FBXL20: variants seen among roughly 807,000 people sequenced by gnomAD.
FBXL20 encodes F-box/LRR-repeat protein 20.
Under a neutral mutation model 64.0 loss-of-function variants are expected in FBXL20, and 11 were observed. That is an observed-to-expected ratio of 0.17 (90% CI 0.11 to 0.28). FBXL20 has a LOEUF of 0.28. Among genes scored for constraint, FBXL20 ranks in the 10% least tolerant of loss-of-function variants. FBXL20 has a pLI of 1.00. For synonymous variants in FBXL20, 184 were observed against 189.0 expected, an observed-to-expected ratio of 0.97 and a Z score of 0.22; for missense variants, 303 against 526.2, an observed-to-expected ratio of 0.58 and a Z score of 4.15.
chr17:39,325,132 T>A (rs1019823807), intron 2 of FBXL20, among the ~76,000 whole-genome samples: 1 of 152,116 alleles, frequency 6.6e-6, no homozygotes, highest in Non-Finnish European at 1.5e-5. Flanking sequence ...CACCTGACCC[T>A]GGGAAGCTGA....
intron 6 of FBXL20, among the ~76,000 whole-genome samples, chr17:39,291,574 C>T (rs1429828477): frequency 1.3e-5 from 2 of 151,644 alleles, no homozygotes; most frequent in East Asian, 1.9e-4. Context: ...TCTGGGACCA[C>T]AGACATGCAT....
intron 9 of FBXL20, among the ~76,000 whole-genome samples, chr17:39,279,236 C>G (rs1287992174): frequency 6.6e-6 from 1 of 151,962 alleles, no homozygotes; most frequent in Admixed American, 6.6e-5. Context: ...AGGTAGCTCA[C>G]GCCTGTAATC....
At position 39,254,025 on chromosome 17, in the gene FBXL20, A is replaced by G. The variant is rs1416047748; in HGVS notation, c.*7435T>C. 1 of 152,236 alleles carries G rather than the reference A, an allele frequency of 6.6e-6. No homozygotes were observed. The highest frequency in any genetic ancestry group is 1.5e-5 in the Non-Finnish European group (1 of 68,034). 9.4% of individuals were successfully genotyped at this position (152,236 alleles called of 1,614,324 possible). On this transcript the variant is annotated 3_prime_UTR_variant, in exon 15 of 15. Coordinates refer to ENST00000264658, the MANE Select transcript of FBXL20 (RefSeq NM_032875.3). ...ATGTGTGAGCAGCAATGAGGTACAG[A>G]TCTGAATTAATGAGATAATGGCAAG...
chr17:39,298,881 G>C (rs1313429911), intron 5 of FBXL20, 109 bp downstream of exon 5: 1 of 791,620 alleles, frequency 1.3e-6, no homozygotes, highest in African/African-American at 1.8e-5. Context: ...AGCAATGTGT[G>C]GTTGCATTTT....
chr17:39,299,696 G>T (rs572166581), intron 4 of FBXL20, among the ~76,000 whole-genome samples: 1 of 152,106 alleles, frequency 6.6e-6, no homozygotes, highest in Non-Finnish European at 1.5e-5. Context: ...CAGGAGAATG[G>T]CGTGAACCCA....
At chr17:39,319,412 C>T (rs957180099) in intron 2 of FBXL20, among the ~76,000 whole-genome samples, 9 of 149,644 alleles carry the variant, frequency 6.0e-5, no homozygotes, top group Non-Finnish European at 8.9e-5. Flanking sequence ...CAGGGCTGGG[C>T]ACGGTGGCTC....
chr17:39,307,741 CG>C (rs201165851), intron 2 of FBXL20, among the ~76,000 whole-genome samples: 1,622 of 151,992 alleles, frequency 0.011, 26 homozygotes, highest in African/African-American at 0.037. Context: ...GAGGCCGAGG[CG>C]GGTGGATCAC....
intron 7 of FBXL20, among the ~76,000 whole-genome samples, 156 bp from the exon 8 acceptor site, chr17:39,283,011 G>A (rs369845643): frequency 3.3e-5 from 5 of 152,160 alleles, no homozygotes; most frequent in African/African-American, 1.2e-4. Flanking sequence ...TAGATTTATC[G>A]ATGTGGTATT....
At chr17:39,325,964 T>C (rs917556274) in intron 2 of FBXL20, among the ~76,000 whole-genome samples, 24 of 152,162 alleles carry the variant, frequency 1.6e-4, no homozygotes, top group Admixed American at 1.3e-3. Context: ...TATTAGATCA[T>C]GGGGGCAGAT....
intron 2 of FBXL20, among the ~76,000 whole-genome samples, chr17:39,322,315 G>A (rs1463502139): frequency 1.3e-5 from 2 of 151,938 alleles, no homozygotes; most frequent in Non-Finnish European, 2.9e-5. Flanking sequence ...ATATGGAAGT[G>A]AGCTGTTTTA....
At chr17:39,317,678 TTTTTTTTTTTGTTTTTTTTTTTG>T (rs1567877344) in intron 2 of FBXL20, among the ~76,000 whole-genome samples, 4 of 63,636 alleles carry the variant, frequency 6.3e-5, no homozygotes, top group African/African-American at 2.4e-4. Context: ...TTTGACTTTG[TTTTTTTTTTTGTTTTTTTTTTTG>T]TTTTTTTTTT....
intron 14 of FBXL20, among the ~76,000 whole-genome samples, chr17:39,262,566 C>T (rs1289681840): frequency 2.0e-5 from 3 of 151,660 alleles, no homozygotes; most frequent in African/African-American, 7.3e-5. Flanking sequence ...CAGGCGTGAG[C>T]CACCGCGACT....
intron 1 of FBXL20, among the ~76,000 whole-genome samples, chr17:39,356,706 A>G (rs1348072585): frequency 5.9e-5 from 9 of 151,898 alleles, no homozygotes; most frequent in Non-Finnish European, 1.3e-4. Flanking sequence ...CCCAGGGTGG[A>G]GTGCAGTGGT....
intron 9 of FBXL20, among the ~76,000 whole-genome samples, chr17:39,275,764 A>G (rs971143188): frequency 6.6e-6 from 1 of 152,148 alleles, no homozygotes; most frequent in Non-Finnish European, 1.5e-5. Context: ...TTTTAGTAGT[A>G]TAAATATATC....
chr17:39,280,762 C>T (rs2046943471), intron 9 of FBXL20, among the ~76,000 whole-genome samples: 1 of 151,860 alleles, frequency 6.6e-6, no homozygotes, highest in African/African-American at 2.4e-5. Flanking sequence ...ATATATTGCT[C>T]ATCATCTTAT....
rs760131418 is a variant in FBXL20 at position 39,270,840 on chromosome 17, T to C, written c.844A>G (p.Arg282Gly). The C allele has an allele frequency of 4.2e-5, 67 of 1,600,354 alleles. No homozygotes were observed. Among genetic ancestry groups the C allele is most frequent in the Non-Finnish European group, 4.9e-5 (58 of 1,175,386 alleles). Reference protein sequence around the residue: ...CPRLRILEVARCSQLTDVGFT... With the variant: ...CPRLRILEVAGCSQLTDVGFT... The stretch of plus-strand genomic sequence containing the variant: ...CCCACATCTGTTAATTGAGAACATC[T>C]TGCCACTTCCAATATTCTGTTAAAA... The change falls in exon 11 of 15, where the codon AGA (arginine) becomes GGA (glycine). Residue 282 changes from arginine to glycine, a missense_variant. Coordinates refer to ENST00000264658, the MANE Select transcript of FBXL20 (RefSeq NM_032875.3).
chr17:39,263,581 C>T (rs1324750743), intron 14 of FBXL20, among the ~76,000 whole-genome samples: 1 of 151,952 alleles, frequency 6.6e-6, no homozygotes, highest in East Asian at 1.9e-4. Context: ...GTAGTCCTAG[C>T]TACTGGGGAT....
intron 1 of FBXL20, among the ~76,000 whole-genome samples, chr17:39,358,454 G>A (rs2047762710): frequency 6.6e-6 from 1 of 152,176 alleles, no homozygotes; most frequent in South Asian, 2.1e-4. Flanking sequence ...AGGCTGAGGT[G>A]GGTGGATCAC....
intron 2 of FBXL20, 45 bp from the exon 3 acceptor site, chr17:39,303,684 T>C (rs2047157593): frequency 6.6e-7 from 1 of 1,518,356 alleles, no homozygotes; most frequent in South Asian, 1.2e-5. Context: ...TATGATAAAG[T>C]AGTTGACCTT....
Sources: gnomAD v4.1 joint callset for allele counts (sites outside exome capture counted in the v4.1 genomes callset) on GRCh38, gnomAD v4.1.1 for gene constraint, MANE v1.5 for transcripts, NCBI Gene and HGNC (gene_info 2026-07-23, HGNC 2026-07-21) for gene names.